Variants in NOTCH2 observed in about 807,000 individuals in gnomAD.
NOTCH2 encodes the protein neurogenic locus notch homolog protein 2.
A neutral mutation model predicts 235.8 loss-of-function variants in NOTCH2; 29 were observed. That is an observed-to-expected ratio of 0.12 (90% CI 0.09 to 0.17). The LOEUF (loss-of-function observed/expected upper bound fraction) is 0.17. Ranked by LOEUF, NOTCH2 falls within the 10% of genes least tolerant of loss-of-function variation. NOTCH2 has a pLI of 1.00. For synonymous variants in NOTCH2, 1,086 were observed against 1,141.5 expected, an observed-to-expected ratio of 0.95 and a Z score of 0.98; for missense variants, 2,285 against 3,150.2, an observed-to-expected ratio of 0.73 and a Z score of 6.57.
chr1:119,971,810 A>ATT (rs1651371404), intron 5 of NOTCH2, among the ~76,000 whole-genome samples: 2 of 152,230 alleles, frequency 1.3e-5, no homozygotes, highest in African/African-American at 4.8e-5. Context: ...ACTGAAGCCC[A>ATT]ACTACTAGTA....
At position 119,915,301 on chromosome 1, in the gene NOTCH2, C is replaced by A; in HGVS notation, c.*5G>T. ...GTTATGTCTCTACACTGGAGGTGGA[C>A]TCTCTCACGCATAAACCTGCATGTT... On this transcript the variant is annotated 3_prime_UTR_variant, in exon 34 of 34. Transcript: ENST00000256646. 1 of 1,612,648 alleles carries A rather than the reference C, an allele frequency of 6.2e-7. No homozygotes were observed. The highest frequency in any genetic ancestry group is 2.2e-5 in the East Asian group (1 of 44,884).
At chr1:119,953,831 T>C in intron 13 of NOTCH2, 143 bp from the exon 14 acceptor site, 1 of 775,874 alleles carries the variant, frequency 1.3e-6, no homozygotes. Context: ...ACCTTGCACA[T>C]GGTGTGTACC....
At chr1:119,935,375 C>T (rs2453056) in intron 22 of NOTCH2, 97 bp downstream of exon 22, 12 of 1,611,086 alleles carry the variant, frequency 7.4e-6, no homozygotes, top group African/African-American at 2.7e-5. Context: ...AGCTAGTCTT[C>T]CTATCTTTAA....
chr1:119,913,059 G>A lies in NOTCH2; in HGVS notation c.*2247C>T, dbSNP rs368873082. ...GGCTGGAGCAGGAGGGCAGAAAGGG[G>A]CAGGTACGCTGTGGTCCACAGAGGT... On this transcript the variant is annotated 3_prime_UTR_variant, in exon 34 of 34. Transcript: ENST00000256646. The A allele has an allele frequency of 1.1e-4, 25 of 233,442 alleles. No homozygotes were observed. In the East Asian group the frequency reaches 1.5e-3, roughly 14 times the overall value. 14.5% of individuals were successfully genotyped at this position (233,442 alleles called of 1,614,324 possible). A position where few individuals can be genotyped will look rare whatever the true frequency, so the allele number is the denominator to read the frequency against.
Position 119,959,440 on chromosome 1 carries a change from T to C in NOTCH2, c.1978A>G (p.Met660Val), listed in dbSNP as rs1447605154. Reference protein sequence around the residue: ...ASNPCIHGICMDGINRYSCVC... With the variant: ...ASNPCIHGICVDGINRYSCVC... ...CAACTGTAGCGATTAATGCCATCCA[T>C]ACAGATTCCATGGATACAAGGGTTA... The change falls in exon 12 of 34, where the codon ATG (methionine) becomes GTG (valine). Residue 660 changes from methionine (M) to valine (V), a missense_variant. Met to Val is a conservative substitution (Grantham distance 21). Around this residue, in one of 6 missense-constraint regions of NOTCH2, gnomAD observed 431 missense variants for 757.8 expected, o/e 0.57. Transcript: ENST00000256646. 3 of 1,612,536 alleles carry C rather than the reference T, an allele frequency of 1.9e-6. No individual in the cohort carries two copies. Among genetic ancestry groups the C allele is most frequent in the Admixed American group, 1.7e-5 (1 of 59,980 alleles).
In NOTCH2 at chr1:119,925,518, T is replaced by C. The variant is rs770346617; in HGVS notation, c.4298A>G (p.Lys1433Arg). The C allele has an allele frequency of 1.2e-6, 2 of 1,614,126 alleles. No homozygotes were observed. Among genetic ancestry groups the C allele is most frequent in the South Asian group, 2.2e-5 (2 of 91,070 alleles). Residue 1433 changes from lysine (K) to arginine (R), a missense_variant, in exon 25 of 34, where the codon AAA becomes AGA. Lys to Arg is a conservative substitution (Grantham distance 26). Around this residue, in one of 6 missense-constraint regions of NOTCH2, gnomAD observed 1,173 missense variants for 1,515.3 expected, o/e 0.77. Coordinates refer to ENST00000256646, the MANE Select transcript of NOTCH2 (RefSeq NM_024408.4). ...CTCATCACAGACGCCATCCCGAGCT[T>C]TGTCGGCACAATACTGGCTCAGACA... ...ATCLSQYCAD[K>R]ARDGVCDEAC...
In NOTCH2 at chr1:119,935,455, T is replaced by C. The variant is rs1553195615; in HGVS notation, c.3655+17A>G. The C allele has an allele frequency of 6.2e-7, 1 of 1,614,138 alleles. No homozygotes were observed. The highest frequency in any genetic ancestry group is 8.5e-7 in the Non-Finnish European group (1 of 1,179,994). ...GACAATGCCCTGGATGGAAAATGGA[T>C]AAGGATGATTTCATACCCCGAGTGC... On this transcript the variant is annotated intron_variant, in intron 22 of 33. Transcript: ENST00000256646.
chr1:120,006,170 T>G (rs1652968704), intron 2 of NOTCH2, among the ~76,000 whole-genome samples: 1 of 152,030 alleles, frequency 6.6e-6, no homozygotes, highest in Admixed American at 6.5e-5. Flanking sequence ...CTGGGTTATG[T>G]TCAGGTGGCT....
intron 5 of NOTCH2, among the ~76,000 whole-genome samples, chr1:119,976,094 G>A (rs118080848): frequency 2.0e-5 from 3 of 152,292 alleles, no homozygotes; most frequent in East Asian, 3.9e-4. Context: ...ATCTCCACAA[G>A]AGGAACAAAT....
At chr1:119,960,391 A>C (rs1388516184) in intron 11 of NOTCH2, among the ~76,000 whole-genome samples, 1 of 151,638 alleles carries the variant, frequency 6.6e-6, no homozygotes, top group Non-Finnish European at 1.5e-5. Flanking sequence ...GATGAATGGA[A>C]GAGTTTGGTT....
In NOTCH2 at chr1:119,989,514, T is replaced by C. The variant is rs1652148661; in HGVS notation, c.752-2432A>G. On this transcript the variant is annotated intron_variant, in intron 4 of 33. Transcript: ENST00000256646. ...AAAAACATTTGGGCTGAAAAGTATA[T>C]CATCAAGAATGTGAAAAGACAGTAT... is the stretch of plus-strand genomic sequence containing the variant. Among the ~76,000 whole-genome samples the C allele has an allele frequency of 7.2e-5, 11 of 152,160 alleles. No homozygotes were observed. The South Asian group carries it at 2.3e-3, about 32-fold the overall frequency.
At chr1:119,933,709 G>C (rs1389760137) in intron 22 of NOTCH2, among the ~76,000 whole-genome samples, 2 of 152,194 alleles carry the variant, frequency 1.3e-5, no homozygotes, top group African/African-American at 4.8e-5. Flanking sequence ...GGTTAGAAGA[G>C]ACAAAAATTT....
chr1:120,069,229 G>A (rs781819981), intron 1 of NOTCH2, 105 bp downstream of exon 1: 28 of 1,526,470 alleles, frequency 1.8e-5, no homozygotes, highest in Non-Finnish European at 2.2e-5. Context: ...CCGCGCCGGC[G>A]GCCGAGCCTG....
intron 6 of NOTCH2, among the ~76,000 whole-genome samples, chr1:119,968,764 G>A (rs1651248665): frequency 6.6e-6 from 1 of 152,166 alleles, no homozygotes; most frequent in East Asian, 1.9e-4. Flanking sequence ...GTGGCCCCAG[G>A]TCTCTGAAGA....
intron 3 of NOTCH2, chr1:120,005,097 A>G (rs1652913636): frequency 1.4e-6 from 1 of 709,828 alleles, no homozygotes; most frequent in South Asian, 1.9e-5. Context: ...CCTGACATAT[A>G]TACTTTAAGC....
At chr1:119,953,114 C>A (rs1650545299) in intron 14 of NOTCH2, among the ~76,000 whole-genome samples, 1 of 152,112 alleles carries the variant, frequency 6.6e-6, no homozygotes, top group South Asian at 2.1e-4. Flanking sequence ...GAGTTCATGA[C>A]CAGCCTAACC....
chr1:119,948,553 G>A lies in NOTCH2; in HGVS notation c.2613C>T (p.Thr871=). ...CAPGWQGQRC[T]IDIDECISKP... is the part of the protein sequence containing the mutation. ...TGGAGATACACTCGTCAATGTCAAT[G>A]GTACACCGCTGACCTAGGAACACAG... Residue 871 remains threonine, a synonymous_variant, in exon 17 of 34, where the codon ACC becomes ACT. Coordinates refer to ENST00000256646, the MANE Select transcript of NOTCH2 (RefSeq NM_024408.4). 1 of 1,614,144 alleles carries A rather than the reference G, an allele frequency of 6.2e-7. No homozygotes were observed. Among genetic ancestry groups the A allele is most frequent in the African/African-American group, 1.3e-5 (1 of 75,044 alleles).
intron 17 of NOTCH2, among the ~76,000 whole-genome samples, chr1:119,944,609 G>C (rs1650189156): frequency 1.3e-5 from 2 of 151,304 alleles, no homozygotes; most frequent in Admixed American, 6.6e-5. Context: ...AGTGGAAAGA[G>C]GATATCTTAA....
intron 5 of NOTCH2, among the ~76,000 whole-genome samples, chr1:119,973,086 A>T (rs1424921979): frequency 3.3e-5 from 5 of 152,224 alleles, no homozygotes; most frequent in Non-Finnish European, 5.9e-5. Flanking sequence ...TGGACCATGC[A>T]TCTGTTCGAT....
Sources: gnomAD v4.1 joint callset for allele counts (sites outside exome capture counted in the v4.1 genomes callset) on GRCh38, gnomAD v4.1.1 for gene constraint, gnomAD v4.1.1 regional missense constraint, MANE v1.5 for transcripts, NCBI Gene and HGNC (gene_info 2026-07-23, HGNC 2026-07-21) for gene names.